Variants in PAX3 observed in about 807,000 individuals in gnomAD.
PAX3 encodes paired box 3, also known as paired box protein Pax-3.
In PAX3, 14 loss-of-function variants were observed where a neutral mutation model predicts 51.6. The ratio of observed to expected loss-of-function variants is 0.27; its 90% CI spans 0.18 to 0.42. The LOEUF is 0.42. Among genes scored for constraint, PAX3 ranks in the 10% least tolerant of loss-of-function variants. The probability of loss-of-function intolerance (pLI) is 1.00; values close to 1 mark genes in which losing one functional copy is unlikely to be tolerated. For synonymous variants in PAX3, 280 were observed against 253.4 expected (o/e 1.11, Z -1.00); for missense variants, 540 against 642.8 (o/e 0.84, Z 1.73).
chr2:222,244,165 C>G (rs954747699), intron 4 of PAX3, among the ~76,000 whole-genome samples: 3 of 152,150 alleles, frequency 2.0e-5, no homozygotes, highest in African/African-American at 7.2e-5. Flanking sequence ...TGATTTATCA[C>G]CAGCCTTAGG....
In PAX3 at chr2:222,201,388, G is replaced by C. The variant is rs773601099; in HGVS notation, c.*20C>G. The C allele has an allele frequency of 1.7e-5, 28 of 1,613,140 alleles. No individual in the cohort carries two copies. Among genetic ancestry groups the C allele is most frequent in the Non-Finnish European group, 2.4e-5 (28 of 1,179,962 alleles). ...AAGACCAGAAACAGGGCCAGTTTTA[G>C]CTCCAAGTGGACAGTTCACTTACGC... On this transcript the variant is annotated 3_prime_UTR_variant, in exon 9 of 9. Coordinates refer to ENST00000392070, the MANE Select transcript of PAX3 (RefSeq NM_181458.4).
At chr2:222,234,667 T>C (rs1022094453) in intron 4 of PAX3, among the ~76,000 whole-genome samples, 33 of 152,204 alleles carry the variant, frequency 2.2e-4, no homozygotes, top group Admixed American at 1.6e-3. Context: ...AGGTGATTGA[T>C]GCTGATTCTA....
At chr2:222,267,428 C>A (rs1694091757) in intron 4 of PAX3, among the ~76,000 whole-genome samples, 1 of 152,150 alleles carries the variant, frequency 6.6e-6, no homozygotes, top group African/African-American at 2.4e-5. Flanking sequence ...TTTCAAAAGG[C>A]ATCAAAATAT....
chr2:222,244,976 C>T (rs993867024), intron 4 of PAX3, among the ~76,000 whole-genome samples: 4 of 151,868 alleles, frequency 2.6e-5, no homozygotes, highest in South Asian at 2.1e-4. Flanking sequence ...GGCAAAATCC[C>T]GTCTCTAATG....
At chr2:222,219,119 GC>G (rs1326189275) in intron 7 of PAX3, among the ~76,000 whole-genome samples, 1 of 152,076 alleles carries the variant, frequency 6.6e-6, no homozygotes, top group African/African-American at 2.4e-5. Context: ...CTATTAGAAT[GC>G]CCTCTTGGTG....
At chr2:222,275,002 A>T (rs1298129310) in intron 4 of PAX3, among the ~76,000 whole-genome samples, 1 of 152,212 alleles carries the variant, frequency 6.6e-6, no homozygotes, top group African/African-American at 2.4e-5. Context: ...ACTCAACAAA[A>T]ATCCTAATGT....
Position 222,249,238 on chromosome 2 carries a change from A to G in PAX3, c.587-16955T>C, listed in dbSNP as rs1426118591. Among the ~76,000 whole-genome samples the G allele has an allele frequency of 2.6e-5, 4 of 152,308 alleles. 1 individual carries two copies. Among genetic ancestry groups the G allele is most frequent in the African/African-American group, 7.2e-5 (3 of 41,558 alleles). ...AAGCCTTTCAGTTTCTACAAAAAATAAAAACATAAGAGCATGAAGTCATTT... is the reference window on the plus strand; with the variant it reads ...AAGCCTTTCAGTTTCTACAAAAAATGAAAACATAAGAGCATGAAGTCATTT... On this transcript the variant is annotated intron_variant, in intron 4 of 8. Coordinates refer to ENST00000392070, the MANE Select transcript of PAX3 (RefSeq NM_181458.4).
chr2:222,295,024 G>GC (rs1168444789), intron 3 of PAX3, among the ~76,000 whole-genome samples: 1 of 151,614 alleles, frequency 6.6e-6, no homozygotes, highest in Middle Eastern at 3.2e-3. Context: ...CCTCTCGCTG[G>GC]CCCCGTGCTT....
At chr2:222,287,403 T>A (rs1694870664) in intron 4 of PAX3, 1 of 152,220 alleles carries the variant, frequency 6.6e-6, no homozygotes, top group African/African-American at 2.4e-5. Context: ...ATGTCTGAAA[T>A]TCCTTTTCAC....
intron 5 of PAX3, among the ~76,000 whole-genome samples, chr2:222,230,596 C>G (rs28729655): frequency 0.19 from 28,886 of 152,034 alleles, 2,899 homozygotes; most frequent in South Asian, 0.28. Flanking sequence ...GTGGCTCATA[C>G]CTGTAATCCC....
intron 4 of PAX3, among the ~76,000 whole-genome samples, chr2:222,236,287 T>C (rs1692795453): frequency 6.6e-6 from 1 of 152,178 alleles, no homozygotes; most frequent in African/African-American, 2.4e-5. Flanking sequence ...AGAGACAGGG[T>C]CTTGCTTTGT....
chr2:222,229,771 G>A (rs553395727), intron 5 of PAX3, among the ~76,000 whole-genome samples: 10 of 152,080 alleles, frequency 6.6e-5, no homozygotes, highest in African/African-American at 2.2e-4. Context: ...GTTATCTTAC[G>A]TGTAGCCCAC....
Position 222,295,639 on chromosome 2 carries a change from C to A in PAX3, c.340G>T (p.Val114Leu), listed in dbSNP as rs763028698. Reference protein sequence around the residue: ...SKPKQVTTPDVEKKIEEYKRE... With the variant: ...SKPKQVTTPDLEKKIEEYKRE... ...TTGTATTCCTCAATTTTCTTCTCCA[C>A]GTCAGGCGTTGTCACCTGCTTTAAG... is the stretch of plus-strand genomic sequence containing the variant. The change falls in exon 3 of 9, where the codon GTG becomes TTG. Residue 114 changes from valine to leucine, a missense_variant. By Grantham distance (32) the Val-to-Leu change is conservative. Transcript: ENST00000392070. The A allele has an allele frequency of 6.2e-7, 1 of 1,614,212 alleles. No individual in the cohort carries two copies. The highest frequency in any genetic ancestry group is 1.1e-5 in the South Asian group (1 of 91,086).
intron 7 of PAX3, among the ~76,000 whole-genome samples, chr2:222,209,226 T>G (rs1691625286): frequency 6.6e-6 from 1 of 152,168 alleles, no homozygotes; most frequent in Admixed American, 6.6e-5. Context: ...TCTTTCACAC[T>G]ATGTATGATG....
At chr2:222,292,594 T>C (rs1695084111) in intron 4 of PAX3, among the ~76,000 whole-genome samples, 1 of 152,252 alleles carries the variant, frequency 6.6e-6, no homozygotes, top group Non-Finnish European at 1.5e-5. Flanking sequence ...CCCCAGCCTC[T>C]GTGACTGCTC....
intron 4 of PAX3, among the ~76,000 whole-genome samples, chr2:222,268,222 G>A (rs1000285713): frequency 1.3e-5 from 2 of 152,116 alleles, no homozygotes; most frequent in Non-Finnish European, 1.5e-5. Flanking sequence ...ACACATATTC[G>A]ACCTATCTGC....
Position 222,202,012 on chromosome 2 carries a change from G to T in PAX3, c.1352C>A (p.Pro451His), listed in dbSNP as rs756696533. The change falls in exon 8 of 9, where the codon CCC becomes CAC. Residue 451 changes from proline (P) to histidine (H), a missense_variant. Pro to His is a moderately conservative substitution (Grantham distance 77). Coordinates refer to ENST00000392070, the MANE Select transcript of PAX3 (RefSeq NM_181458.4). Reference sequence around the variant, plus strand: ...ACTGTAGCCTGTGGTGCTATAGGTGGGTGGACAGTAGGACTGAGATGTTGG... The same window carrying T: ...ACTGTAGCCTGTGGTGCTATAGGTGTGTGGACAGTAGGACTGAGATGTTGG... ...SLPTSQSYCP[P>H]TYSTTGYSMD... 7 of 1,613,936 alleles carry T rather than the reference G, an allele frequency of 4.3e-6. No homozygotes were observed. In the Admixed American group the frequency reaches 1.2e-4, roughly 27 times the overall value.
At chr2:222,202,333 T>G in intron 7 of PAX3, 143 bp from the exon 8 acceptor site, 2 of 719,728 alleles carry the variant, frequency 2.8e-6, no homozygotes, top group Non-Finnish European at 4.9e-6. Flanking sequence ...ATGAACCCAA[T>G]TCTAAGTGGC....
intron 4 of PAX3, among the ~76,000 whole-genome samples, chr2:222,241,437 C>A (rs908801178): frequency 1.3e-5 from 2 of 152,176 alleles, no homozygotes; most frequent in Non-Finnish European, 2.9e-5. Flanking sequence ...TTCAGCTTTT[C>A]ACGGAGCTGC....
Sources: allele counts gnomAD v4.1 joint callset (sites outside exome capture counted in the v4.1 genomes callset), GRCh38; gene constraint gnomAD v4.1.1; transcripts MANE v1.5; gene names NCBI Gene and HGNC (gene_info 2026-07-23, HGNC 2026-07-21).